The following SLCO3A1 variants were observed in gnomAD, a reference collection of about 807,000 sequenced individuals.
SLCO3A1 encodes PGE1 transporter.
A neutral mutation model predicts 63.1 loss-of-function variants in SLCO3A1; 27 were observed. The ratio of observed to expected loss-of-function variants is 0.43; its 90% CI spans 0.32 to 0.59. The LOEUF is 0.59. Ranked by LOEUF, SLCO3A1 falls within the 20% of genes least tolerant of loss-of-function variation. SLCO3A1 has a pLI of 0.09. For synonymous variants in SLCO3A1, 473 were observed against 409.9 expected, an observed-to-expected ratio of 1.15 and a Z score of -1.86; for missense variants, 773 against 945.8, an observed-to-expected ratio of 0.82 and a Z score of 2.40.
At chr15:92,052,144 A>C (rs1035229134) in intron 2 of SLCO3A1, among the ~76,000 whole-genome samples, 24 of 152,082 alleles carry the variant, frequency 1.6e-4, no homozygotes, top group African/African-American at 5.8e-4. Context: ...CTGAGTGTGC[A>C]CAGAACTTGT....
chr15:92,001,976 C>T (rs770743401), intron 2 of SLCO3A1, among the ~76,000 whole-genome samples: 1 of 151,988 alleles, frequency 6.6e-6, no homozygotes, highest in Non-Finnish European at 1.5e-5. Flanking sequence ...ATGCAGGTCC[C>T]TCCATCCTGC....
intron 7 of SLCO3A1, among the ~76,000 whole-genome samples, chr15:92,141,721 G>C (rs1434984059): frequency 1.3e-5 from 2 of 152,186 alleles, no homozygotes; most frequent in East Asian, 3.8e-4. Context: ...GTCCTCATCT[G>C]CAGTTCTTCC....
At chr15:91,889,891 GAT>G (rs1475426353) in intron 1 of SLCO3A1, among the ~76,000 whole-genome samples, 1 of 150,988 alleles carries the variant, frequency 6.6e-6, no homozygotes, top group African/African-American at 2.5e-5. Context: ...TTAAGGGAAA[GAT>G]AGTCTTTCCT....
In SLCO3A1 at chr15:91,872,552, A is replaced by C. The variant is rs1230832932; in HGVS notation, c.180+18464A>C. ...CCGTCTCAAAAAAAAAAAGAAAAGAAAAAAGAAGAAAGAAAGAACGTGCCC... is the reference window on the plus strand; with the variant it reads ...CCGTCTCAAAAAAAAAAAGAAAAGACAAAAGAAGAAAGAAAGAACGTGCCC... On this transcript the variant is annotated intron_variant, in intron 1 of 9. Coordinates refer to ENST00000318445, the MANE Select transcript of SLCO3A1 (RefSeq NM_013272.4). This position sits in a 1 kb window ranked among gnomAD's most constrained non-coding sequence, Gnocchi z 4.1. 6.6e-6 allele frequency among the ~76,000 whole-genome samples: 1 copy of C among 152,134 alleles called. No homozygotes were observed. The highest frequency in any genetic ancestry group is 1.5e-5 in the Non-Finnish European group (1 of 68,020).
chr15:92,082,986 G>A (rs2047364852), intron 2 of SLCO3A1, among the ~76,000 whole-genome samples: 2 of 152,208 alleles, frequency 1.3e-5, no homozygotes, highest in African/African-American at 4.8e-5. Context: ...TCAAGGCATA[G>A]TGAGAATGAT....
intron 1 of SLCO3A1, among the ~76,000 whole-genome samples, chr15:91,855,497 G>A (rs1337056745): frequency 1.3e-5 from 2 of 152,160 alleles, no homozygotes; most frequent in African/African-American, 2.4e-5. Context: ...TTGTGCATTC[G>A]TAACTTGTAG....
chr15:92,114,696 T>C (rs927356116), intron 4 of SLCO3A1, among the ~76,000 whole-genome samples: 1 of 152,212 alleles, frequency 6.6e-6, no homozygotes, highest in South Asian at 2.1e-4. Flanking sequence ...CCCTGCTCTC[T>C]GTTCTCTTCT....
intron 2 of SLCO3A1, among the ~76,000 whole-genome samples, chr15:92,034,448 G>A (rs569961086): frequency 6.6e-6 from 1 of 151,650 alleles, no homozygotes; most frequent in South Asian, 2.1e-4. Context: ...GTGAGTTTAT[G>A]AGTCATCGGG....
rs145647941 is a variant in SLCO3A1 at position 92,012,804 on chromosome 15, G to A, written c.647-82077G>A. Reference sequence around the variant, plus strand: ...TAACTCTAGGCCCTGCTCGACTGAGGTAGAAACATCCTCAGAGCATCCCCA... The same window carrying A: ...TAACTCTAGGCCCTGCTCGACTGAGATAGAAACATCCTCAGAGCATCCCCA... On this transcript the variant is annotated intron_variant, in intron 2 of 9. Coordinates refer to ENST00000318445, the MANE Select transcript of SLCO3A1 (RefSeq NM_013272.4). Among the ~76,000 whole-genome samples, 29 of 149,560 alleles carry A rather than the reference G, an allele frequency of 1.9e-4. No individual in the cohort carries two copies. In the East Asian group the frequency reaches 4.3e-3, roughly 22 times the overall value.
At chr15:92,117,712 G>T (rs1034993142) in intron 4 of SLCO3A1, among the ~76,000 whole-genome samples, 1 of 152,208 alleles carries the variant, frequency 6.6e-6, no homozygotes, top group Admixed American at 6.5e-5. Context: ...TACACCATCA[G>T]AACGTGCCAC....
chr15:91,873,881 A>G (rs1897335799), intron 1 of SLCO3A1, among the ~76,000 whole-genome samples: 1 of 152,084 alleles, frequency 6.6e-6, no homozygotes, highest in Non-Finnish European at 1.5e-5. Context: ...CATACATTTC[A>G]TTTGTTCTAT....
At chr15:92,149,100 G>C (rs2048270598) in intron 8 of SLCO3A1, 1 of 152,362 alleles carries the variant, frequency 6.6e-6, no homozygotes, top group African/African-American at 2.4e-5. Flanking sequence ...CTTGCCCCAC[G>C]ACTCCTCTGC....
At position 92,163,910 on chromosome 15, in the gene SLCO3A1, C is replaced by T. The variant is rs1475574664; in HGVS notation, c.*775C>T. The T allele has an allele frequency of 1.0e-6, 1 of 985,472 alleles. No homozygotes were observed. Among genetic ancestry groups the T allele is most frequent in the Non-Finnish European group, 1.2e-6 (1 of 830,048 alleles). The allele number at this position is 985,472 out of a possible 1,614,324, so 61.0% of individuals were successfully genotyped here. On this transcript the variant is annotated 3_prime_UTR_variant, in exon 10 of 10. Coordinates refer to ENST00000318445, the MANE Select transcript of SLCO3A1 (RefSeq NM_013272.4). The stretch of plus-strand genomic sequence containing the variant: ...TGGCGGGCATCCACCTTCCCCCAGC[C>T]CCACAGAGTGACCTCAGGAAGCAGT...
Position 92,162,985 on chromosome 15 carries a change from CG to C in SLCO3A1, c.1986del (p.Leu663Ter). On this transcript the variant is annotated frameshift_variant, in exon 10 of 10. Coordinates refer to ENST00000318445, the MANE Select transcript of SLCO3A1 (RefSeq NM_013272.4). LOFTEE classifies it high-confidence loss of function. ...AACGCTACATCAAAAACCACGAGGG[CG>C]GGCTGAGCACCAGTGAGTTCTTTGC... ...YKRYIKNHEGGLSTSEFFAST... is the reference protein window; with the variant it reads ...YKRYIKNHEGXLSTSEFFAST... 6.2e-7 allele frequency: 1 copy of C among 1,613,586 alleles called. No individual in the cohort carries two copies. The highest frequency in any genetic ancestry group is 8.5e-7 in the Non-Finnish European group (1 of 1,179,720).
At chr15:92,110,260 T>C (rs2047712968) in intron 4 of SLCO3A1, among the ~76,000 whole-genome samples, 1 of 152,202 alleles carries the variant, frequency 6.6e-6, no homozygotes, top group Non-Finnish European at 1.5e-5. Context: ...AGCCTGCCCT[T>C]GATCTCTGTT....
chr15:92,052,820 TA>T (rs768844026), intron 2 of SLCO3A1, among the ~76,000 whole-genome samples: 7 of 117,714 alleles, frequency 5.9e-5, no homozygotes, highest in Admixed American at 1.1e-4. Context: ...AAATACATTT[TA>T]ATTTTTTTTT....
At chr15:92,151,218 T>C (rs1000600810) in intron 9 of SLCO3A1, 6 of 521,412 alleles carry the variant, frequency 1.2e-5, no homozygotes, top group Non-Finnish European at 1.7e-5. Context: ...TTCTCATTTA[T>C]ACCAACTCTT....
At chr15:91,987,057 C>T (rs1259899652) in intron 2 of SLCO3A1, among the ~76,000 whole-genome samples, 1 of 152,094 alleles carries the variant, frequency 6.6e-6, no homozygotes, top group Non-Finnish European at 1.5e-5. Flanking sequence ...TTCACAGCCC[C>T]AAAGATTCTT....
At chr15:91,908,307 T>C (rs775195082) in intron 1 of SLCO3A1, among the ~76,000 whole-genome samples, 14 of 151,712 alleles carry the variant, frequency 9.2e-5, no homozygotes, top group Non-Finnish European at 1.9e-4. Context: ...CTCTGCTTTT[T>C]AAAGAAAAAT....
Sources: gnomAD v4.1 joint callset for allele counts (sites outside exome capture counted in the v4.1 genomes callset) on GRCh38, gnomAD v4.1.1 for gene constraint, Gnocchi (gnomAD v3.1) non-coding constraint, MANE v1.5 for transcripts, NCBI Gene and HGNC (gene_info 2026-07-23, HGNC 2026-07-21) for gene names.